ANGPT1: variants seen among roughly 807,000 people sequenced by gnomAD.
ANGPT1 encodes angiopoietin 1, also known as angiopoietin-1.
In ANGPT1, 17 loss-of-function variants were observed where a neutral mutation model predicts 62.2. That is an observed-to-expected ratio of 0.27 (90% CI 0.19 to 0.41). The LOEUF (loss-of-function observed/expected upper bound fraction) is 0.41. Ranked by LOEUF, ANGPT1 falls within the 10% of genes least tolerant of loss-of-function variation. The probability of loss-of-function intolerance (pLI) is 1.00; values close to 1 mark genes in which losing one functional copy is unlikely to be tolerated. For synonymous variants in ANGPT1, 199 were observed against 198.9 expected, an observed-to-expected ratio of 1.00 and a Z score of 0.00; for missense variants, 478 against 594.9, an observed-to-expected ratio of 0.80 and a Z score of 2.04.
intron 1 of ANGPT1, among the ~76,000 whole-genome samples, chr8:107,441,850 C>T (rs1774814454): frequency 6.6e-6 from 1 of 152,046 alleles, no homozygotes; most frequent in African/African-American, 2.4e-5. Flanking sequence ...CTTTGGGAGG[C>T]CGAGGTGGGT....
At chr8:107,429,161 G>C (rs550588934) in intron 1 of ANGPT1, among the ~76,000 whole-genome samples, 4 of 152,280 alleles carry the variant, frequency 2.6e-5, no homozygotes, top group Admixed American at 6.5e-5. Flanking sequence ...CAAATTAATA[G>C]GTGCTTATAT....
chr8:107,380,516 C>T (rs1479581055), intron 1 of ANGPT1, among the ~76,000 whole-genome samples: 2 of 151,432 alleles, frequency 1.3e-5, no homozygotes, highest in African/African-American at 4.9e-5. Context: ...TTTTCCCTGA[C>T]CTTACACTTT....
intron 1 of ANGPT1, among the ~76,000 whole-genome samples, chr8:107,469,852 A>G (rs1438217015): frequency 6.6e-6 from 1 of 152,088 alleles, no homozygotes; most frequent in Non-Finnish European, 1.5e-5. Context: ...ACCAAGCAAT[A>G]AGAATTGACA....
chr8:107,488,315 A>C (rs1812867950), intron 1 of ANGPT1, among the ~76,000 whole-genome samples: 1 of 152,120 alleles, frequency 6.6e-6, no homozygotes, highest in South Asian at 2.1e-4. Context: ...TACCTAACTA[A>C]TATTTGATTA....
At chr8:107,257,646 T>C (rs1234325152) in intron 8 of ANGPT1, among the ~76,000 whole-genome samples, 1 of 152,190 alleles carries the variant, frequency 6.6e-6, no homozygotes, top group Non-Finnish European at 1.5e-5. Flanking sequence ...GATTTTCATC[T>C]TTCATCACTA....
intron 7 of ANGPT1, among the ~76,000 whole-genome samples, chr8:107,272,901 A>C (rs1271390801): frequency 2.6e-5 from 4 of 151,672 alleles, no homozygotes; most frequent in Non-Finnish European, 5.9e-5. Context: ...AAAAAAAAAA[A>C]AACTGAGTGC....
intron 4 of ANGPT1, among the ~76,000 whole-genome samples, chr8:107,313,278 T>TC (rs1259212040): frequency 6.6e-6 from 1 of 152,024 alleles, no homozygotes; most frequent in Non-Finnish European, 1.5e-5. Context: ...TTAATATGAC[T>TC]CCTTAGCAGA....
chr8:107,430,869 T>C (rs1201786450), intron 1 of ANGPT1, among the ~76,000 whole-genome samples: 4 of 152,198 alleles, frequency 2.6e-5, no homozygotes, highest in Non-Finnish European at 5.9e-5. Flanking sequence ...ATACAGTCTG[T>C]TATTATTTGG....
At chr8:107,349,164 A>AGATAGATAGATAGATC (rs944017528) in intron 1 of ANGPT1, among the ~76,000 whole-genome samples, 2 of 151,904 alleles carry the variant, frequency 1.3e-5, no homozygotes, top group East Asian at 1.9e-4. Flanking sequence ...ATAGATAGAT[A>AGATAGATAGATAGATC]GATCTATGTA....
chr8:107,467,634 T>C (rs1178988143), intron 1 of ANGPT1, among the ~76,000 whole-genome samples: 1 of 152,068 alleles, frequency 6.6e-6, no homozygotes, highest in African/African-American at 2.4e-5. Context: ...TTTTCTGCAT[T>C]GTTAGGAACA....
intron 7 of ANGPT1, among the ~76,000 whole-genome samples, chr8:107,277,723 T>C (rs1369862215): frequency 6.6e-6 from 1 of 152,194 alleles, no homozygotes; most frequent in Non-Finnish European, 1.5e-5. Flanking sequence ...AGTATTCTTC[T>C]CAAGAAAGCT....
chr8:107,336,346 TA>T (rs746680845), intron 2 of ANGPT1, 75 bp from the exon 3 acceptor site: 1,264 of 1,506,954 alleles, frequency 8.4e-4, no homozygotes, highest in Non-Finnish European at 9.4e-4. Flanking sequence ...ATTTTGTCGT[TA>T]AATATTTTTT....
intron 7 of ANGPT1, among the ~76,000 whole-genome samples, chr8:107,266,595 G>A (rs571614606): frequency 9.9e-5 from 15 of 152,276 alleles, no homozygotes; most frequent in Non-Finnish European, 2.1e-4. Context: ...GCCCATAGGC[G>A]CTCTTGAATG....
At chr8:107,472,230 G>A (rs532221832) in intron 1 of ANGPT1, among the ~76,000 whole-genome samples, 1 of 152,076 alleles carries the variant, frequency 6.6e-6, no homozygotes, top group Non-Finnish European at 1.5e-5. Context: ...TATCTCTGTT[G>A]ACATTGACTT....
In ANGPT1 at chr8:107,349,122, T is replaced by TTAGATAGATAGATAGATAGA. The variant is rs142050677; in HGVS notation, c.298-2045_298-2026dup. On this transcript the variant is annotated intron_variant, in intron 1 of 8. Transcript: ENST00000517746. ...CTCAGACAGATGTTAGATAAGGAGA[T>TTAGATAGATAGATAGATAGA]TAGATAGATAGATAGATAGATAGAT... Among the ~76,000 whole-genome samples the TTAGATAGATAGATAGATAGA allele has an allele frequency of 5.3e-4, 76 of 143,908 alleles. 1 individual carries two copies. Among genetic ancestry groups the TTAGATAGATAGATAGATAGA allele is most frequent in the East Asian group, 1.3e-3 (6 of 4,778 alleles). 94.4% of individuals were successfully genotyped at this position (143,908 alleles called of 152,430 possible).
In ANGPT1 at chr8:107,357,748, G is replaced by C. The variant is rs190224997; in HGVS notation, c.298-10651C>G. On this transcript the variant is annotated intron_variant, in intron 1 of 8. Transcript: ENST00000517746. The stretch of plus-strand genomic sequence containing the variant: ...CCAGCAGATGATATAAGATACTCAA[G>C]AACAGAAGTTTGAAAGCCTTAACAA... Among the ~76,000 whole-genome samples, 221 of 152,218 alleles carry C rather than the reference G, an allele frequency of 1.5e-3. 1 individual carries two copies. The highest frequency in any genetic ancestry group is 6.8e-3 in the Middle Eastern group (2 of 294).
chr8:107,426,398 G>A (rs1163552538), intron 1 of ANGPT1, among the ~76,000 whole-genome samples: 1 of 152,214 alleles, frequency 6.6e-6, no homozygotes, highest in Admixed American at 6.5e-5. Flanking sequence ...ATCCAAGGTT[G>A]AGTGAATTAT....
At chr8:107,342,447 A>AGTCC (rs1360113956) in intron 2 of ANGPT1, among the ~76,000 whole-genome samples, 2 of 152,212 alleles carry the variant, frequency 1.3e-5, no homozygotes, top group African/African-American at 2.4e-5. Flanking sequence ...AGGCCCAGAC[A>AGTCC]GTAAACATCT....
intron 1 of ANGPT1, among the ~76,000 whole-genome samples, chr8:107,460,347 A>C (rs1235242552): frequency 6.6e-6 from 1 of 152,114 alleles, no homozygotes; most frequent in East Asian, 1.9e-4. Context: ...GTATGTATAG[A>C]CCATGTCTTT....
Sources: gnomAD v4.1 joint callset for allele counts (sites outside exome capture counted in the v4.1 genomes callset) on GRCh38, gnomAD v4.1.1 for gene constraint, MANE v1.5 for transcripts, NCBI Gene and HGNC (gene_info 2026-07-23, HGNC 2026-07-21) for gene names.